The following NEDD9 variants were observed in gnomAD, a reference collection of about 807,000 sequenced individuals.
The protein encoded by NEDD9 is enhancer of filamentation 1.
In NEDD9, 26 loss-of-function variants were observed where a neutral mutation model predicts 76.6. The observed-to-expected ratio is 0.34, with a 90% confidence interval of 0.25 to 0.47. NEDD9 has a LOEUF of 0.47. Ranked by LOEUF, NEDD9 falls within the 20% of genes least tolerant of loss-of-function variation. The pLI is 1.00. For missense variants in NEDD9, 937 were observed against 1,058.5 expected (o/e 0.89, Z 1.59); for synonymous variants, 392 against 414.2 (o/e 0.95, Z 0.65).
At chr6:11,366,311 GAGAAAGAA>G (rs138112613) in intron 1 of NEDD9, among the ~76,000 whole-genome samples, 1 of 143,496 alleles carries the variant, frequency 7.0e-6, no homozygotes, top group Non-Finnish European at 1.5e-5. Flanking sequence ...AAGAAAGAAA[GAGAAAGAA>G]AGAAAGGAGA....
At chr6:11,348,757 A>G (rs7775415) in intron 1 of NEDD9, among the ~76,000 whole-genome samples, 3 of 152,164 alleles carry the variant, frequency 2.0e-5, no homozygotes, top group East Asian at 1.9e-4. Context: ...TCCTTATACT[A>G]TATACAAAAA....
chr6:11,381,547 G>A (rs753013349), intron 1 of NEDD9, among the ~76,000 whole-genome samples: 29 of 152,196 alleles, frequency 1.9e-4, no homozygotes, highest in Admixed American at 2.0e-4. Context: ...TAAACATAGA[G>A]AAAAGTAAGG....
rs144637323 is a variant in NEDD9, at chr6:11,185,630, G to A, written c.2037C>T (p.Pro679=). ...TCCACTTCGAGATGTCATTCTCCACGGGCTTTGTAATCTCTTGTTCCAACA... is the reference window on the plus strand; with the variant it reads ...TCCACTTCGAGATGTCATTCTCCACAGGCTTTGTAATCTCTTGTTCCAACA... The part of the protein sequence containing the change: ...FQLLEQEITK[P]VENDISKWKP... The change falls in exon 7 of 7, where the codon CCC becomes CCT. Residue 679 remains proline (P), a synonymous_variant. Coordinates refer to ENST00000379446, the MANE Select transcript of NEDD9 (RefSeq NM_006403.4). 683 of 1,614,180 alleles carry A rather than the reference G, an allele frequency of 4.2e-4. 3 individuals carry two copies. The highest frequency in any genetic ancestry group is 2.0e-3 in the Middle Eastern group (12 of 6,062).
upstream of NEDD9, chr6:11,232,802 A>T: frequency 1.0e-6 from 1 of 1,003,876 alleles, no homozygotes; most frequent in Non-Finnish European, 1.4e-6. Flanking sequence ...AGAACTTGTA[A>T]TGTGATCGCT....
intron 1 of NEDD9, among the ~76,000 whole-genome samples, chr6:11,355,649 T>G (rs538772166): frequency 1.5e-4 from 23 of 152,316 alleles, no homozygotes; most frequent in African/African-American, 5.3e-4. Flanking sequence ...GGGGCGTATG[T>G]GGCAGGAGGA....
At chr6:11,324,036 G>A (rs1216510844) in intron 2 of NEDD9, among the ~76,000 whole-genome samples, 1 of 152,198 alleles carries the variant, frequency 6.6e-6, no homozygotes, top group Non-Finnish European at 1.5e-5. Context: ...GAGGAGCCAC[G>A]TCCAGACACA....
rs760330906 is a variant in NEDD9, at chr6:11,192,450, A to AAG, written c.562-6_562-5dup. The AAG allele has an allele frequency of 6.2e-7, 1 of 1,605,838 alleles. No homozygotes were observed. The highest frequency in any genetic ancestry group is 1.1e-5 in the South Asian group (1 of 89,970). The stretch of plus-strand genomic sequence containing the variant: ...ATGAGGGAGGGATGTCGTATACCTG[A>AAG]AGAGAAACCCGTGAGTTACCCAGAA... On this transcript the variant is annotated splice_polypyrimidine_tract_variant and splice_region_variant and intron_variant, in intron 3 of 6. Transcript: ENST00000379446.
At chr6:11,314,586 C>A (rs1288735059) in intron 2 of NEDD9, among the ~76,000 whole-genome samples, 1 of 152,186 alleles carries the variant, frequency 6.6e-6, no homozygotes, top group African/African-American at 2.4e-5. Flanking sequence ...CCTGGCTAAT[C>A]CACTTCATTT....
chr6:11,340,483 C>T lies in NEDD9; in HGVS notation c.-213-5922G>A, dbSNP rs182279297. ...TTAGAGAATTTGACAGGAATTATCT[C>T]ATTTAATCGTCATAATATCTTTTAT... On this transcript the variant is annotated intron_variant, in intron 1 of 3. Transcript: ENST00000397378. Among the ~76,000 whole-genome samples, 650 of 152,274 alleles carry T rather than the reference C, an allele frequency of 4.3e-3. 2 individuals are homozygous for T. Among genetic ancestry groups the T allele is most frequent in the African/African-American group, 0.015 (618 of 41,536 alleles).
intron 1 of NEDD9, among the ~76,000 whole-genome samples, chr6:11,230,829 C>A (rs1423590617): frequency 6.6e-6 from 1 of 152,188 alleles, no homozygotes; most frequent in African/African-American, 2.4e-5. Context: ...CTGTCAGTCA[C>A]TTTATCAGTT....
At chr6:11,362,870 C>A (rs923840580) in intron 1 of NEDD9, among the ~76,000 whole-genome samples, 4 of 152,172 alleles carry the variant, frequency 2.6e-5, no homozygotes, top group African/African-American at 9.7e-5. Flanking sequence ...TTTACAAAAT[C>A]TTCATTTATT....
chr6:11,298,680 AT>A (rs1760962185), intron 3 of NEDD9, among the ~76,000 whole-genome samples: 1 of 152,314 alleles, frequency 6.6e-6, no homozygotes, highest in Admixed American at 6.5e-5. Context: ...AGAAATTGGT[AT>A]TTATATTGAA....
chr6:11,287,426 TCAAAA>T (rs1031824702), intron 3 of NEDD9, among the ~76,000 whole-genome samples: 68 of 151,890 alleles, frequency 4.5e-4, no homozygotes, highest in African/African-American at 1.6e-3. Context: ...AGACTCCATC[TCAAAA>T]CAAAACAAAA....
At chr6:11,217,926 G>A (rs145994129) in intron 1 of NEDD9, among the ~76,000 whole-genome samples, 19 of 152,192 alleles carry the variant, frequency 1.2e-4, no homozygotes, top group African/African-American at 4.3e-4. Flanking sequence ...CCACTTTTTC[G>A]TTCTCTGTCT....
intron 1 of NEDD9, among the ~76,000 whole-genome samples, chr6:11,227,114 A>C (rs1015691700): frequency 7.2e-5 from 11 of 152,214 alleles, no homozygotes; most frequent in Admixed American, 3.3e-4. Flanking sequence ...ATGAACAATA[A>C]TGAAGGAATC....
intron 1 of NEDD9, among the ~76,000 whole-genome samples, chr6:11,220,354 T>C (rs1251547492): frequency 6.6e-6 from 1 of 152,070 alleles, no homozygotes; most frequent in Non-Finnish European, 1.5e-5. Flanking sequence ...TTGCCCCGAG[T>C]CCTCAAGTTT....
chr6:11,364,529 C>A (rs1004082706), intron 1 of NEDD9, among the ~76,000 whole-genome samples: 1 of 152,046 alleles, frequency 6.6e-6, no homozygotes, highest in African/African-American at 2.4e-5. Context: ...AGTAACTATA[C>A]CAAGGCCACA....
chr6:11,190,901 A>G lies in NEDD9; in HGVS notation c.968T>C (p.Val323Ala). 6.2e-7 allele frequency: 1 copy of G among 1,613,972 alleles called. No individual in the cohort carries two copies. Among genetic ancestry groups the G allele is most frequent in the Non-Finnish European group, 8.5e-7 (1 of 1,180,008 alleles). Reference protein sequence around the residue: ...QNDAYDVPRGVQFLEPPAETS... With the variant: ...QNDAYDVPRGAQFLEPPAETS... Reference sequence around the variant, plus strand: ...TTCTGCTGGTGGCTCAAGAAACTGAACGCCTCGGGGGACATCATATGCGTC... The same window carrying G: ...TTCTGCTGGTGGCTCAAGAAACTGAGCGCCTCGGGGGACATCATATGCGTC... Residue 323 changes from valine (V) to alanine (A), a missense_variant, in exon 5 of 7, where the codon GTT becomes GCT. Coordinates refer to ENST00000379446, the MANE Select transcript of NEDD9 (RefSeq NM_006403.4). This position sits in a 1 kb window ranked among gnomAD's most constrained non-coding sequence, Gnocchi z 5.8.
Position 11,252,030 on chromosome 6 carries a change from G to A in NEDD9, c.13-38303C>T, listed in dbSNP as rs903819781. 2.6e-5 allele frequency among the ~76,000 whole-genome samples: 4 copies of A among 152,188 alleles called. No homozygotes were observed. The highest frequency in any genetic ancestry group is 2.1e-4 in the South Asian group (1 of 4,824). On this transcript the variant is annotated intron_variant, in intron 3 of 3. Coordinates refer to the NEDD9 transcript ENST00000397378. The surrounding 1 kb of genome is among the most constrained non-coding windows in gnomAD (Gnocchi z 4.3). ...TGCAAAAGCATATCTGGGTGCTTTC[G>A]CTCCACCTCAGGGTTGAAGGCTGTG...
Sources: gnomAD v4.1 joint callset for allele counts (sites outside exome capture counted in the v4.1 genomes callset) on GRCh38, gnomAD v4.1.1 for gene constraint, Gnocchi (gnomAD v3.1) non-coding constraint, MANE v1.5 for transcripts, NCBI Gene and HGNC (gene_info 2026-07-23, HGNC 2026-07-21) for gene names.